Variants in RYR2 observed in about 807,000 individuals in gnomAD.
The protein encoded by RYR2 is cardiac muscle ryanodine receptor-calcium release channel.
RYR2 carries 227 observed loss-of-function variants against 601.1 expected under a neutral mutation model. The ratio of observed to expected loss-of-function variants is 0.38; its 90% CI spans 0.34 to 0.42. The LOEUF is 0.42. RYR2 is among the 10% of genes least tolerant of loss of function. The pLI, the probability that RYR2 is intolerant of heterozygous loss-of-function variation, is 1.00. For synonymous variants in RYR2, 2,223 were observed against 2,175.1 expected, an observed-to-expected ratio of 1.02 and a Z score of -0.61; for missense variants, 4,646 against 6,156.5, an observed-to-expected ratio of 0.75 and a Z score of 8.21.
intron 19 of RYR2, among the ~76,000 whole-genome samples, chr1:237,493,619 A>T (rs1396654246): frequency 6.6e-6 from 1 of 151,708 alleles, no homozygotes; most frequent in Non-Finnish European, 1.5e-5. Context: ...CGCCTGGCTA[A>T]TTTTTTGTAT....
At chr1:237,382,079 G>T (rs1285726833) in intron 8 of RYR2, among the ~76,000 whole-genome samples, 1 of 152,102 alleles carries the variant, frequency 6.6e-6, no homozygotes, top group African/African-American at 2.4e-5. Context: ...TTTTTTCTGT[G>T]TGTTAGGTGT....
chr1:237,128,256 C>T (rs982244228), intron 1 of RYR2, among the ~76,000 whole-genome samples: 12 of 152,158 alleles, frequency 7.9e-5, no homozygotes, highest in African/African-American at 1.4e-4. Flanking sequence ...AGCCTGCGAT[C>T]GCAGGCACTC....
At chr1:237,300,738 G>A (rs1693265991) in intron 2 of RYR2, among the ~76,000 whole-genome samples, 1 of 152,064 alleles carries the variant, frequency 6.6e-6, no homozygotes, top group Admixed American at 6.6e-5. Flanking sequence ...GGCATTAACT[G>A]GTGCTTCAAA....
Position 237,073,199 on chromosome 1 carries a change from G to A in RYR2, c.48+30630G>A, listed in dbSNP as rs116455834. 8.4e-3 allele frequency among the ~76,000 whole-genome samples: 1,278 copies of A among 152,238 alleles called. 18 individuals are homozygous for A. The highest frequency in any genetic ancestry group is 0.029 in the African/African-American group (1,198 of 41,526). On this transcript the variant is annotated intron_variant, in intron 1 of 104. Coordinates refer to ENST00000366574, the MANE Select transcript of RYR2 (RefSeq NM_001035.3). The stretch of plus-strand genomic sequence containing the variant: ...GATTGACTATTTGACAAACATCTAC[G>A]GAATGCCTGGTTTGTGGTGGGTGTT...
intron 1 of RYR2, among the ~76,000 whole-genome samples, chr1:237,197,645 T>C (rs1680712705): frequency 6.6e-6 from 1 of 152,222 alleles, no homozygotes; most frequent in Admixed American, 6.5e-5. Flanking sequence ...GATGTCATCC[T>C]GTAGGAATGA....
intron 3 of RYR2, among the ~76,000 whole-genome samples, chr1:237,342,023 A>G (rs1572660976): frequency 6.6e-6 from 1 of 152,226 alleles, no homozygotes; most frequent in African/African-American, 2.4e-5. Flanking sequence ...TGTCTTTGTG[A>G]ATCAGATAAA....
chr1:237,792,379 G>GTA (rs1658521618), intron 94 of RYR2, 56 bp downstream of exon 94: 2 of 915,564 alleles, frequency 2.2e-6, no homozygotes, highest in African/African-American at 4.7e-5. Flanking sequence ...GTGTGTGTGT[G>GTA]TGCGTGTGTG....
At chr1:237,778,056 G>A (rs1694802477) in intron 87 of RYR2, among the ~76,000 whole-genome samples, 1 of 152,162 alleles carries the variant, frequency 6.6e-6, no homozygotes, top group Non-Finnish European at 1.5e-5. Flanking sequence ...AGCCATCTCA[G>A]CCTAATGACT....
intron 14 of RYR2, among the ~76,000 whole-genome samples, chr1:237,453,258 A>G (rs1385814849): frequency 2.0e-5 from 3 of 152,098 alleles, no homozygotes; most frequent in Non-Finnish European, 4.4e-5. Flanking sequence ...CTGTTCATAT[A>G]TAATTGGTAT....
At chr1:237,097,781 C>G (rs1213503599) in intron 1 of RYR2, among the ~76,000 whole-genome samples, 1 of 152,284 alleles carries the variant, frequency 6.6e-6, no homozygotes, top group African/African-American at 2.4e-5. Context: ...GTGATATTAG[C>G]TATTCCCAGT....
intron 96 of RYR2, among the ~76,000 whole-genome samples, chr1:237,796,131 C>T (rs1659197403): frequency 6.6e-6 from 1 of 151,792 alleles, no homozygotes; most frequent in Non-Finnish European, 1.5e-5. Flanking sequence ...TCTTGAGTCG[C>T]ACTGCGCTAG....
intron 104 of RYR2, 129 bp from the exon 105 acceptor site, chr1:237,832,423 A>G: frequency 3.7e-6 from 2 of 534,664 alleles, no homozygotes; most frequent in Non-Finnish European, 6.7e-6. Flanking sequence ...ATAGTTAGTT[A>G]GGAACCATCT....
chr1:237,754,399 C>T (rs958725078), intron 80 of RYR2, among the ~76,000 whole-genome samples: 3 of 152,072 alleles, frequency 2.0e-5, no homozygotes, highest in Non-Finnish European at 4.4e-5. Flanking sequence ...CTGATCTTCC[C>T]CCTTTTGGAG....
intron 1 of RYR2, among the ~76,000 whole-genome samples, chr1:237,237,643 C>A (rs1202378957): frequency 9.2e-5 from 14 of 152,194 alleles, no homozygotes; most frequent in Non-Finnish European, 1.8e-4. Flanking sequence ...ATTGAAGCAT[C>A]TTACCCCAAA....
chr1:237,702,830 C>G (rs1688074607), intron 66 of RYR2, among the ~76,000 whole-genome samples: 1 of 151,864 alleles, frequency 6.6e-6, no homozygotes, highest in African/African-American at 2.4e-5. Context: ...ATATTAAAAC[C>G]TATAAAGCTA....
chr1:237,300,152 G>A (rs982077290), intron 2 of RYR2, among the ~76,000 whole-genome samples: 3 of 152,108 alleles, frequency 2.0e-5, no homozygotes, highest in African/African-American at 7.2e-5. Context: ...CTAATATAGG[G>A]GAGTGCTGTA....
chr1:237,356,643 C>A (rs540441592), intron 4 of RYR2, among the ~76,000 whole-genome samples: 1 of 152,046 alleles, frequency 6.6e-6, no homozygotes, highest in South Asian at 2.1e-4. Flanking sequence ...ATTCTTAGAG[C>A]CCACATTGTC....
intron 24 of RYR2, among the ~76,000 whole-genome samples, chr1:237,521,298 C>T (rs1313069809): frequency 3.3e-5 from 5 of 152,288 alleles, no homozygotes; most frequent in Middle Eastern, 3.4e-3. Context: ...CACAACAGTC[C>T]TCAACAAAAA....
intron 14 of RYR2, among the ~76,000 whole-genome samples, chr1:237,451,436 G>T (rs1558840428): frequency 6.6e-6 from 1 of 151,918 alleles, no homozygotes; most frequent in Non-Finnish European, 1.5e-5. Context: ...AGCTGGATGT[G>T]GTGGGCATGA....
Sources: gnomAD v4.1 joint callset for allele counts (sites outside exome capture counted in the v4.1 genomes callset) on GRCh38, gnomAD v4.1.1 for gene constraint, MANE v1.5 for transcripts, NCBI Gene and HGNC (gene_info 2026-07-23, HGNC 2026-07-21) for gene names.